Variants in GLS observed in about 807,000 individuals in gnomAD.
GLS encodes the protein glutaminase.
In GLS, 36 loss-of-function variants were observed where a neutral mutation model predicts 86.7. The ratio of observed to expected loss-of-function variants is 0.42; its 90% CI spans 0.32 to 0.55. The LOEUF is 0.55. GLS is among the 20% of genes least tolerant of loss of function. The probability of loss-of-function intolerance (pLI) is 0.17; values close to 1 mark genes in which losing one functional copy is unlikely to be tolerated. For missense variants in GLS, 528 were observed against 833.4 expected, an observed-to-expected ratio of 0.63 and a Z score of 4.51; for synonymous variants, 317 against 305.9, an observed-to-expected ratio of 1.04 and a Z score of -0.38.
chr2:190,946,083 A>G lies in GLS; in HGVS notation c.1651-7482A>G, dbSNP rs181180072. ...GACTGTCTAATTACAAAAGTAGTAT[A>G]ATTTTTTTTTACACATCCTTAAAAA... is the stretch of plus-strand genomic sequence containing the variant. On this transcript the variant is annotated intron_variant, in intron 14 of 17. Transcript: ENST00000320717. 3.3e-4 allele frequency among the ~76,000 whole-genome samples: 50 copies of G among 152,282 alleles called. 1 individual carries two copies. The East Asian group carries it at 8.5e-3, about 26-fold the overall frequency.
At chr2:190,885,631 C>T (rs1223831640) in intron 1 of GLS, among the ~76,000 whole-genome samples, 2 of 152,084 alleles carry the variant, frequency 1.3e-5, no homozygotes, top group African/African-American at 4.8e-5. Context: ...AATGACAAAA[C>T]CTCTGTTAAA....
At chr2:190,903,354 A>G (rs1689018339) in intron 5 of GLS, among the ~76,000 whole-genome samples, 1 of 152,184 alleles carries the variant, frequency 6.6e-6, no homozygotes, top group Admixed American at 6.5e-5. Flanking sequence ...CTTAACTTCT[A>G]GTCTATTTTT....
intron 14 of GLS, 68 bp downstream of exon 14, chr2:190,931,705 TATAA>T (rs903429486): frequency 6.9e-6 from 5 of 721,180 alleles, no homozygotes; most frequent in Non-Finnish European, 9.5e-6. Context: ...GATTTGCCTG[TATAA>T]ATAAAATCTT....
intron 14 of GLS, among the ~76,000 whole-genome samples, chr2:190,942,557 A>C (rs1690469188): frequency 1.3e-5 from 2 of 152,206 alleles, no homozygotes; most frequent in Admixed American, 1.3e-4. Flanking sequence ...TAGGATTGGC[A>C]GCACTTGGTG....
chr2:190,894,157 C>T (rs1453310071), intron 1 of GLS, among the ~76,000 whole-genome samples: 1 of 151,990 alleles, frequency 6.6e-6, no homozygotes, highest in Non-Finnish European at 1.5e-5. Flanking sequence ...CTTGCCTTGT[C>T]CTTCTGTATA....
intron 14 of GLS, among the ~76,000 whole-genome samples, chr2:190,937,890 CTTA>C (rs1193367852): frequency 1.6e-5 from 2 of 129,014 alleles, no homozygotes; most frequent in Non-Finnish European, 3.2e-5. Flanking sequence ...TTACAGAATA[CTTA>C]TTATTGAAAA....
intron 14 of GLS, among the ~76,000 whole-genome samples, chr2:190,932,203 ATTTG>A (rs990348129): frequency 1.3e-5 from 2 of 151,800 alleles, no homozygotes; most frequent in African/African-American, 2.4e-5. Context: ...TTACGGTCCT[ATTTG>A]TTTGTTACGA....
intron 5 of GLS, among the ~76,000 whole-genome samples, chr2:190,902,543 C>G (rs1302775694): frequency 1.3e-5 from 2 of 152,140 alleles, no homozygotes; most frequent in Non-Finnish European, 2.9e-5. Flanking sequence ...GCTTACATTG[C>G]AGGCACAGCT....
In GLS at chr2:190,881,063, G is replaced by C. The variant is rs770940566; in HGVS notation, c.-22G>C. 1 of 1,542,064 alleles carries C rather than the reference G, an allele frequency of 6.5e-7. No homozygotes were observed. The highest frequency in any genetic ancestry group is 2.3e-4 in the Middle Eastern group (1 of 4,406). On this transcript the variant is annotated 5_prime_UTR_variant, in exon 1 of 18. Coordinates refer to ENST00000320717, the MANE Select transcript of GLS (RefSeq NM_014905.5). ...CCCGGAGCATCCTCCCCTGTTGAGC[G>C]GGCGCTGACGGACCCGGCGGCATGA...
intron 14 of GLS, chr2:190,933,754 C>T (rs1690182956): frequency 2.8e-6 from 2 of 720,980 alleles, no homozygotes; most frequent in African/African-American, 1.9e-5. Context: ...TTAGCTTTTA[C>T]ATTTTATTAT....
intron 3 of GLS, among the ~76,000 whole-genome samples, chr2:190,899,555 G>A (rs1193634641): frequency 1.3e-5 from 2 of 151,986 alleles, no homozygotes; most frequent in African/African-American, 4.8e-5. Context: ...GACTAAACAA[G>A]AAATACTGAG....
At chr2:190,882,891 A>C (rs536937133) in intron 1 of GLS, among the ~76,000 whole-genome samples, 4 of 152,296 alleles carry the variant, frequency 2.6e-5, no homozygotes, top group Admixed American at 2.6e-4. Flanking sequence ...TGATAATTTA[A>C]TCTCATCTGG....
At chr2:190,959,567 GGA>G (rs1236229720) in intron 17 of GLS, among the ~76,000 whole-genome samples, 1 of 151,812 alleles carries the variant, frequency 6.6e-6, no homozygotes, top group African/African-American at 2.4e-5. Flanking sequence ...TACCCCTCGT[GGA>G]GTTTTTAACA....
rs1688701865 is a variant in GLS, at chr2:190,895,482, C to G, written c.484-122C>G. 3.1e-6 allele frequency: 2 copies of G among 652,984 alleles called. No individual in the cohort carries two copies. The highest frequency in any genetic ancestry group is 4.8e-4 in the Middle Eastern group (1 of 2,102). The allele number at this position is 652,984 out of a possible 1,614,324, so 40.4% of individuals were successfully genotyped here. On this transcript the variant is annotated intron_variant, in intron 2 of 17. Coordinates refer to ENST00000320717, the MANE Select transcript of GLS (RefSeq NM_014905.5). The surrounding 1 kb of genome is among the most constrained non-coding windows in gnomAD (Gnocchi z 4.2). Reference sequence around the variant, plus strand: ...AGTGGGTAATAGTGACACTAAGATGCCATATTCATGTTCAAGTGTTGGGTA... The same window carrying G: ...AGTGGGTAATAGTGACACTAAGATGGCATATTCATGTTCAAGTGTTGGGTA...
Position 190,943,693 on chromosome 2 carries a change from A to G in GLS, c.1651-9872A>G, listed in dbSNP as rs1158562671. ...GTATTATATGTTGGAGGAGCCTGCT[A>G]TGTAATTTGAATAATAAAGTGGCTA... On this transcript the variant is annotated intron_variant, in intron 14 of 17. Transcript: ENST00000320717. The surrounding 1 kb of genome is among the most constrained non-coding windows in gnomAD (Gnocchi z 4.5). 6.6e-6 allele frequency among the ~76,000 whole-genome samples: 1 copy of G among 152,166 alleles called. No homozygotes were observed. Among genetic ancestry groups the G allele is most frequent in the Non-Finnish European group, 1.5e-5 (1 of 68,018 alleles).
chr2:190,926,373 G>T (rs1232311841), intron 11 of GLS, among the ~76,000 whole-genome samples: 2 of 152,148 alleles, frequency 1.3e-5, no homozygotes, highest in African/African-American at 4.8e-5. Flanking sequence ...TGTAGTCAAA[G>T]TTAAACACAC....
At chr2:190,917,243 A>C (rs1219933941) in intron 7 of GLS, among the ~76,000 whole-genome samples, 1 of 152,244 alleles carries the variant, frequency 6.6e-6, no homozygotes, top group Non-Finnish European at 1.5e-5. Context: ...TCTTCAGAGC[A>C]TCTTTACCAG....
In GLS at chr2:190,895,961, T is replaced by C. The variant is rs1199663766; in HGVS notation, c.605+236T>C. On this transcript the variant is annotated intron_variant, in intron 3 of 17. Transcript: ENST00000320717. The surrounding 1 kb of genome is among the most constrained non-coding windows in gnomAD (Gnocchi z 4.2). ...AATTTAGCCACCGATGTTTCCAGTTTACAGTACTTGGAGATTGCATTCAGT... is the reference window on the plus strand; with the variant it reads ...AATTTAGCCACCGATGTTTCCAGTTCACAGTACTTGGAGATTGCATTCAGT... The C allele has an allele frequency of 1.1e-5, 3 of 278,848 alleles. No individual in the cohort carries two copies. Among genetic ancestry groups the C allele is most frequent in the Non-Finnish European group, 2.1e-5 (3 of 145,248 alleles). The allele number at this position is 278,848 out of a possible 1,614,324, so 17.3% of individuals were successfully genotyped here. A position where few individuals can be genotyped will look rare whatever the true frequency, so the allele number is the denominator to read the frequency against.
At chr2:190,884,442 C>T (rs377073534) in intron 1 of GLS, among the ~76,000 whole-genome samples, 2 of 152,316 alleles carry the variant, frequency 1.3e-5, no homozygotes, top group South Asian at 2.1e-4. Context: ...ATAGCACTCT[C>T]TTCCAGAAAA....
Sources: gnomAD v4.1 joint callset for allele counts (sites outside exome capture counted in the v4.1 genomes callset) on GRCh38, gnomAD v4.1.1 for gene constraint, Gnocchi (gnomAD v3.1) non-coding constraint, MANE v1.5 for transcripts, NCBI Gene and HGNC (gene_info 2026-07-23, HGNC 2026-07-21) for gene names.